NFXL1: variants seen among roughly 807,000 people sequenced by gnomAD.
NFXL1 encodes NF-X1-type zinc finger protein NFXL1.
Under a neutral mutation model 123.3 loss-of-function variants are expected in NFXL1, and 66 were observed. The ratio of observed to expected loss-of-function variants is 0.54; its 90% confidence interval spans 0.44 to 0.66. The LOEUF (loss-of-function observed/expected upper bound fraction) is 0.66, where lower values mean the gene tolerates loss of function less well. Among genes scored for constraint, NFXL1 ranks in the 30% least tolerant of loss-of-function variants. The pLI, the probability that NFXL1 is intolerant of heterozygous loss-of-function variation, is 0.00. For missense variants in NFXL1, 944 were observed against 1,125.6 expected (o/e 0.84, Z 2.31); for synonymous variants, 346 against 360.8 (o/e 0.96, Z 0.46).
chr4:47,868,537 G>A (rs2033894), intron 18 of NFXL1, among the ~76,000 whole-genome samples: 124,210 of 150,332 alleles, frequency 0.83, 51,523 homozygotes, highest in East Asian at 0.98. Context: ...GTAAAAGATG[G>A]AAGAAACAAG....
At chr4:47,857,063 GTAAC>G (rs1187203674) in intron 19 of NFXL1, among the ~76,000 whole-genome samples, 2 of 151,908 alleles carry the variant, frequency 1.3e-5, no homozygotes, top group East Asian at 1.9e-4. Flanking sequence ...CTCTTAAAAA[GTAAC>G]TAACCCTTCC....
At chr4:47,901,256 G>C (rs116567698) in intron 5 of NFXL1, among the ~76,000 whole-genome samples, 298 of 152,160 alleles carry the variant, frequency 2.0e-3, no homozygotes, top group African/African-American at 6.9e-3. Flanking sequence ...GCTCCATCTT[G>C]ATGAGGATTA....
At chr4:47,849,918 G>C (rs1734020269) in intron 22 of NFXL1, among the ~76,000 whole-genome samples, 1 of 151,554 alleles carries the variant, frequency 6.6e-6, no homozygotes, top group Non-Finnish European at 1.5e-5. Context: ...TATGTAAATA[G>C]GTGTTACACT....
At chr4:47,852,412 G>A (rs1338291624) in intron 20 of NFXL1, among the ~76,000 whole-genome samples, 1 of 151,994 alleles carries the variant, frequency 6.6e-6, no homozygotes, top group East Asian at 1.9e-4. Flanking sequence ...TGAAAATGAG[G>A]AACCAAATTT....
chr4:47,884,222 G>C (rs1308936285), intron 15 of NFXL1, 124 bp downstream of exon 15: 6 of 559,140 alleles, frequency 1.1e-5, no homozygotes, highest in African/African-American at 7.7e-5. Context: ...CACACTAGTT[G>C]ATAGGCTAGG....
At chr4:47,884,511 T>C (rs2110079013) in intron 14 of NFXL1, 74 bp from the exon 15 acceptor site, 1 of 878,640 alleles carries the variant, frequency 1.1e-6, no homozygotes, top group Non-Finnish European at 1.8e-6. Context: ...TCTAAGAAAA[T>C]AGTTCCATGT....
At chr4:47,888,339 T>C (rs1389643758) in intron 12 of NFXL1, among the ~76,000 whole-genome samples, 1 of 152,180 alleles carries the variant, frequency 6.6e-6, no homozygotes, top group African/African-American at 2.4e-5. Flanking sequence ...AGTTAGTATA[T>C]TCCCCCTATA....
rs1402925191 is a variant in NFXL1, at chr4:47,855,106, A to C, written c.2374T>G (p.Cys792Gly). 1 of 1,582,166 alleles carries C rather than the reference A, an allele frequency of 6.3e-7. No homozygotes were observed. Among genetic ancestry groups the C allele is most frequent in the Non-Finnish European group, 8.6e-7 (1 of 1,157,876 alleles). ...MCHPGECPFN[C>G]NQKVKLRCPC... is the part of the protein sequence containing the mutation. ...CATCTAAGTTTTACCTTCTGGTTGC[A>C]GTTAAAGGGACATTCACCAGGATGA... is the stretch of plus-strand genomic sequence containing the variant. Residue 792 changes from cysteine to glycine, a missense_variant, in exon 20 of 23, where the codon TGC becomes GGC. By Grantham distance (159) the Cys-to-Gly change is radical. Around this residue, in one of 4 missense-constraint regions of NFXL1, gnomAD observed 301 missense variants for 348.0 expected, o/e 0.86. Transcript: ENST00000507489.
intron 5 of NFXL1, among the ~76,000 whole-genome samples, chr4:47,902,635 T>C (rs1040673561): frequency 6.6e-6 from 1 of 152,186 alleles, no homozygotes; most frequent in Admixed American, 6.5e-5. Context: ...TTGAAAGTCC[T>C]TTCAAAGGAT....
rs185876807 is a variant in NFXL1 at position 47,853,967 on chromosome 4, C to T, written c.2421+1092G>A. Reference sequence around the variant, plus strand: ...GAAAAGAGTTGTTCCAAAGTACTAACGGGTGGGTGGCATATGGCACTTGGA... The same window carrying T: ...GAAAAGAGTTGTTCCAAAGTACTAATGGGTGGGTGGCATATGGCACTTGGA... On this transcript the variant is annotated intron_variant, in intron 20 of 22. Coordinates refer to ENST00000507489, the MANE Select transcript of NFXL1 (RefSeq NM_001278624.2). Among the ~76,000 whole-genome samples, 212 of 152,114 alleles carry T rather than the reference C, an allele frequency of 1.4e-3. 3 individuals carry two copies. In the South Asian group the frequency reaches 0.018, roughly 13 times the overall value.
chr4:47,905,317 T>C lies in NFXL1; in HGVS notation c.436A>G (p.Lys146Glu). ...TGAAAAGCTTCATTTACATATTGTT[T>C]TGTTCGCTCTAATTCACGTGTATCT... is the stretch of plus-strand genomic sequence containing the variant. Reference protein sequence around the residue: ...DGDTRELERTKQYVNEAFQAG... With the variant: ...DGDTRELERTEQYVNEAFQAG... Residue 146 changes from lysine to glutamate, a missense_variant, in exon 4 of 23, where the codon AAA becomes GAA. Physicochemically the swap from Lys to Glu is moderately conservative, Grantham distance 56. Coordinates refer to ENST00000507489, the MANE Select transcript of NFXL1 (RefSeq NM_001278624.2). The C allele has an allele frequency of 1.9e-6, 3 of 1,592,712 alleles. No individual in the cohort carries two copies. The highest frequency in any genetic ancestry group is 2.2e-5 in the East Asian group (1 of 44,650).
chr4:47,876,920 G>A (rs1263045633), intron 17 of NFXL1: 2 of 387,938 alleles, frequency 5.2e-6, no homozygotes, highest in Non-Finnish European at 9.7e-6. Flanking sequence ...GCACAACTGG[G>A]TAAAAACGGT....
intron 20 of NFXL1, among the ~76,000 whole-genome samples, chr4:47,852,886 T>C (rs541010095): frequency 2.1e-4 from 32 of 152,168 alleles, no homozygotes; most frequent in African/African-American, 7.7e-4. Context: ...TACCACAGCT[T>C]AGACATGAGA....
At chr4:47,900,890 T>C (rs1318582219) in intron 5 of NFXL1, among the ~76,000 whole-genome samples, 1 of 152,188 alleles carries the variant, frequency 6.6e-6, no homozygotes, top group Admixed American at 6.5e-5. Context: ...AAATACTAAG[T>C]TCATCTGTCT....
intron 19 of NFXL1, among the ~76,000 whole-genome samples, chr4:47,861,114 G>T (rs1383269420): frequency 6.6e-6 from 1 of 151,006 alleles, no homozygotes; most frequent in Non-Finnish European, 1.5e-5. Context: ...ACCCGCCTCA[G>T]CCTCCCAAAG....
At position 47,848,342 on chromosome 4, in the gene NFXL1, T is replaced by C. The variant is rs762617355; in HGVS notation, c.2563-6A>G. ...TCAAAAGCTTCTAGTTCAGCCTAAA[T>C]AAAAACAGCATCATTTTAATTAAAT... On this transcript the variant is annotated splice_polypyrimidine_tract_variant and splice_region_variant and intron_variant, in intron 22 of 22. Coordinates refer to ENST00000507489, the MANE Select transcript of NFXL1 (RefSeq NM_001278624.2). The C allele has an allele frequency of 6.3e-7, 1 of 1,583,040 alleles. No individual in the cohort carries two copies. The highest frequency in any genetic ancestry group is 1.2e-5 in the South Asian group (1 of 86,544).
At chr4:47,873,025 G>A (rs1180336589) in intron 18 of NFXL1, among the ~76,000 whole-genome samples, 1 of 152,110 alleles carries the variant, frequency 6.6e-6, no homozygotes, top group African/African-American at 2.4e-5. Flanking sequence ...CTAATCCTTT[G>A]CTGTCATTTC....
At chr4:47,903,524 T>C (rs1464500474) in intron 4 of NFXL1, among the ~76,000 whole-genome samples, 1 of 152,194 alleles carries the variant, frequency 6.6e-6, no homozygotes, top group Non-Finnish European at 1.5e-5. Context: ...AAATTATTAT[T>C]AGTCAAACAG....
At chr4:47,895,200 T>C (rs1402480711) in intron 10 of NFXL1, among the ~76,000 whole-genome samples, 2 of 152,164 alleles carry the variant, frequency 1.3e-5, no homozygotes, top group Admixed American at 6.5e-5. Context: ...TGTTGTTCCA[T>C]TTGCAGAGCA....
Sources: allele counts gnomAD v4.1 joint callset (sites outside exome capture counted in the v4.1 genomes callset), GRCh38; gene constraint gnomAD v4.1.1; regional missense constraint gnomAD v4.1.1; transcripts MANE v1.5; gene names NCBI Gene and HGNC (gene_info 2026-07-23, HGNC 2026-07-21).